The following MYO16 variants were observed in gnomAD, a reference collection of about 807,000 sequenced individuals.
MYO16 encodes unconventional myosin-XVI.
In MYO16, 94 loss-of-function variants were observed where a neutral mutation model predicts 205.3. The observed-to-expected ratio is 0.46, with a 90% CI of 0.39 to 0.54. The LOEUF (loss-of-function observed/expected upper bound fraction) is 0.54. MYO16 is among the 20% of genes least tolerant of loss of function. MYO16 has a pLI of 0.00. For missense variants in MYO16, 2,315 were observed against 2,387.5 expected (o/e 0.97, Z 0.63); for synonymous variants, 988 against 954.0 (o/e 1.04, Z -0.66).
chr13:108,719,583 A>G (rs1301285212), intron 3 of MYO16, among the ~76,000 whole-genome samples: 3 of 152,064 alleles, frequency 2.0e-5, no homozygotes, highest in Admixed American at 6.5e-5. Flanking sequence ...CTGGCTTAGC[A>G]CAGCACTGGG....
At chr13:108,951,247 G>A (rs542829010) in intron 16 of MYO16, among the ~76,000 whole-genome samples, 46 of 152,316 alleles carry the variant, frequency 3.0e-4, no homozygotes, top group African/African-American at 9.9e-4. Context: ...TCCAGCTGCT[G>A]TCTATTCCTT....
chr13:108,964,298 C>T (rs1431311555), intron 19 of MYO16, among the ~76,000 whole-genome samples: 1 of 152,186 alleles, frequency 6.6e-6, no homozygotes, highest in Non-Finnish European at 1.5e-5. Context: ...GAAATTCCTA[C>T]CTAAGGCCCA....
Position 109,055,262 on chromosome 13 carries a change from C to G in MYO16, c.3130-128C>G, listed in dbSNP as rs1442301476. On this transcript the variant is annotated intron_variant, in intron 26 of 34. Transcript: ENST00000457511. This position sits in a 1 kb window ranked among gnomAD's most constrained non-coding sequence, Gnocchi z 5.0. ...AAGTAAACATACACACACACACACACACACACACACACAGAGTAAATGCAT... is the reference window on the plus strand; with the variant it reads ...AAGTAAACATACACACACACACACAGACACACACACACAGAGTAAATGCAT... 1.1e-6 allele frequency: 1 copy of G among 932,118 alleles called. No homozygotes were observed. Among genetic ancestry groups the G allele is most frequent in the African/African-American group, 1.7e-5 (1 of 59,626 alleles). 57.7% of individuals were successfully genotyped at this position (932,118 alleles called of 1,614,324 possible).
chr13:108,947,524 T>C (rs1279833706), intron 16 of MYO16, among the ~76,000 whole-genome samples: 1 of 152,224 alleles, frequency 6.6e-6, no homozygotes, highest in Non-Finnish European at 1.5e-5. Flanking sequence ...TTTCTCTCCA[T>C]TTCACAGCTT....
chr13:109,034,428 C>T (rs1227003180), intron 23 of MYO16, among the ~76,000 whole-genome samples: 22 of 152,056 alleles, frequency 1.4e-4, no homozygotes, highest in Non-Finnish European at 1.2e-4. Context: ...AGCTCTTTCC[C>T]CTTCGCTCAG....
At chr13:108,685,960 C>T (rs898788598) in intron 2 of MYO16, among the ~76,000 whole-genome samples, 1 of 152,194 alleles carries the variant, frequency 6.6e-6, no homozygotes, top group Non-Finnish European at 1.5e-5. Flanking sequence ...TCCTTAAAGA[C>T]CTTCTCTTTG....
At chr13:108,748,272 G>T (rs775347633) in intron 4 of MYO16, among the ~76,000 whole-genome samples, 7 of 151,824 alleles carry the variant, frequency 4.6e-5, no homozygotes, top group Admixed American at 1.3e-4. Flanking sequence ...GCCCAAAAAA[G>T]TCTCAGGATT....
intron 1 of MYO16, among the ~76,000 whole-genome samples, chr13:108,609,430 G>T (rs946766956): frequency 2.0e-5 from 3 of 152,102 alleles, no homozygotes; most frequent in Non-Finnish European, 4.4e-5. Flanking sequence ...TTCTGCTCAC[G>T]GCACATACAC....
the MYO16 span, among the ~76,000 whole-genome samples, chr13:108,525,023 A>C: frequency 1.3e-5 from 2 of 152,218 alleles, no homozygotes; most frequent in Non-Finnish European, 2.9e-5. Flanking sequence ...CTTGTAAAAT[A>C]ATAGTTCATA....
Position 108,617,228 on chromosome 13 carries a change from AC to A in MYO16, c.-39+20993del, listed in dbSNP as rs565315731. ...TGAGATCCCCAAGAGCGCTGGACCC[AC>A]CCCAGAGATTTGGATGCAGCCCTGT... is the stretch of plus-strand genomic sequence containing the variant. On this transcript the variant is annotated intron_variant, in intron 1 of 24. Transcript: ENST00000251041. Among the ~76,000 whole-genome samples the A allele has an allele frequency of 2.3e-3, 343 of 152,202 alleles. 2 individuals carry two copies. Among genetic ancestry groups the A allele is most frequent in the African/African-American group, 7.9e-3 (329 of 41,544 alleles).
chr13:108,570,198 T>C, the MYO16 span, among the ~76,000 whole-genome samples: 1 of 152,160 alleles, frequency 6.6e-6, no homozygotes, highest in Non-Finnish European at 1.5e-5. Context: ...CTGGTCTTGC[T>C]TGCTTGGTTT....
chr13:108,808,964 A>G (rs1217674285), intron 7 of MYO16, among the ~76,000 whole-genome samples: 2 of 152,166 alleles, frequency 1.3e-5, no homozygotes, highest in Non-Finnish European at 2.9e-5. Flanking sequence ...TAAGGCAGAG[A>G]ATTAGTGGCT....
chr13:109,105,339 G>C (rs558341667), intron 28 of MYO16, among the ~76,000 whole-genome samples: 11 of 152,202 alleles, frequency 7.2e-5, no homozygotes, highest in African/African-American at 1.7e-4. Flanking sequence ...AGGGATGGTC[G>C]TGGGCGCCTG....
chr13:108,941,327 A>G (rs2139315255), intron 16 of MYO16, among the ~76,000 whole-genome samples: 1 of 152,260 alleles, frequency 6.6e-6, no homozygotes, highest in East Asian at 1.9e-4. Flanking sequence ...TTAGCCTTCT[A>G]CGAGGGGCCT....
In MYO16 at chr13:108,846,859, C is replaced by G. The variant is rs549953340; in HGVS notation, c.1248+2366C>G. Among the ~76,000 whole-genome samples, 18 of 152,198 alleles carry G rather than the reference C, an allele frequency of 1.2e-4. No homozygotes were observed. The East Asian group carries it at 3.1e-3, about 26-fold the overall frequency. Reference sequence around the variant, plus strand: ...ATTTCCTACTGTTCAAATTAACTAACATTCAAAAACTTTTGAATGCAATTA... The same window carrying G: ...ATTTCCTACTGTTCAAATTAACTAAGATTCAAAAACTTTTGAATGCAATTA... On this transcript the variant is annotated intron_variant, in intron 10 of 34. Transcript: ENST00000457511.
intron 27 of MYO16, among the ~76,000 whole-genome samples, chr13:109,077,806 T>C (rs1292936475): frequency 6.6e-6 from 1 of 152,220 alleles, no homozygotes; most frequent in African/African-American, 2.4e-5. Flanking sequence ...ATCAGGCTTC[T>C]TGGATCTTTG....
intron 16 of MYO16, among the ~76,000 whole-genome samples, chr13:108,945,099 A>G (rs558030024): frequency 3.9e-5 from 6 of 152,320 alleles, no homozygotes; most frequent in East Asian, 1.9e-4. Context: ...GTATCTTTCT[A>G]TGTAACTGAT....
intron 3 of MYO16, 115 bp downstream of exon 3, chr13:108,712,846 G>A (rs769778875): frequency 2.7e-5 from 20 of 739,440 alleles, no homozygotes; most frequent in Non-Finnish European, 4.1e-5. Flanking sequence ...GAAAGATGAT[G>A]TGTTTCTAAT....
At chr13:109,128,768 G>GTTTTTTT (rs1172405612) in intron 31 of MYO16, among the ~76,000 whole-genome samples, 1 of 115,016 alleles carries the variant, frequency 8.7e-6, no homozygotes, top group African/African-American at 3.4e-5. Flanking sequence ...CACTTTTTTA[G>GTTTTTTT]TTTTTTTTTT....
Sources: allele counts gnomAD v4.1 joint callset (sites outside exome capture counted in the v4.1 genomes callset), GRCh38; gene constraint gnomAD v4.1.1; non-coding constraint Gnocchi (gnomAD v3.1); transcripts MANE v1.5; gene names NCBI Gene and HGNC (gene_info 2026-07-23, HGNC 2026-07-21).